Variants in CHRNA3 observed in about 807,000 individuals in gnomAD.
CHRNA3 encodes cholinergic receptor nicotinic alpha 3 subunit.
CHRNA3 carries 34 observed loss-of-function variants against 41.9 expected under a neutral mutation model. The ratio of observed to expected loss-of-function variants is 0.81; its 90% confidence interval spans 0.62 to 1.08. The LOEUF is 1.08. CHRNA3 is among the 50% of genes least tolerant of loss of function. The pLI is 0.00. For missense variants in CHRNA3, 542 were observed against 638.3 expected, an observed-to-expected ratio of 0.85 and a Z score of 1.63; for synonymous variants, 281 against 265.2, an observed-to-expected ratio of 1.06 and a Z score of -0.58.
chr15:78,602,497 G>A (rs1042813169), intron 4 of CHRNA3, among the ~76,000 whole-genome samples: 1 of 152,152 alleles, frequency 6.6e-6, no homozygotes, highest in South Asian at 2.1e-4. Flanking sequence ...CTGCCCCAGG[G>A]CAGGCCACCA....
chr15:78,620,742 A>C lies in CHRNA3; in HGVS notation c.53T>G (p.Leu18Arg), dbSNP rs1436985877. The C allele has an allele frequency of 6.7e-7, 1 of 1,499,918 alleles. No individual in the cohort carries two copies. The highest frequency in any genetic ancestry group is 8.8e-7 in the Non-Finnish European group (1 of 1,131,240). 92.9% of individuals were successfully genotyped at this position (1,499,918 alleles called of 1,614,324 possible). The change falls in exon 1 of 6, where the codon CTG (leucine) becomes CGG (arginine). Residue 18 changes from leucine to arginine, a missense_variant. Physicochemically the swap from Leu to Arg is moderately radical, Grantham distance 102. Transcript: ENST00000326828. Reference protein sequence around the residue: ...LPLALSPPRLLLLLLLSLLPV... With the variant: ...LPLALSPPRLRLLLLLSLLPV... ...CAGCAGAGACAGCAGCAGCAGCAGC[A>C]GCAGCCGCGGCGGCGACAGCGCCAG...
intron 4 of CHRNA3, among the ~76,000 whole-genome samples, chr15:78,615,409 C>T (rs2053445670): frequency 2.0e-5 from 3 of 152,322 alleles, no homozygotes; most frequent in Admixed American, 2.0e-4. Context: ...CCTGCATCCA[C>T]TGCCCACAGT....
At chr15:78,600,758 A>G (rs931468612) in intron 5 of CHRNA3, among the ~76,000 whole-genome samples, 4 of 151,504 alleles carry the variant, frequency 2.6e-5, no homozygotes, top group African/African-American at 9.8e-5. Context: ...AGTTCAAGCT[A>G]CTCGGGAAAC....
intron 4 of CHRNA3, among the ~76,000 whole-genome samples, chr15:78,605,182 A>G (rs2053264432): frequency 1.3e-5 from 2 of 152,188 alleles, no homozygotes; most frequent in Admixed American, 1.3e-4. Flanking sequence ...ATTTAAGAAC[A>G]GAAGTGGGGT....
downstream of CHRNA3, chr15:78,595,223 T>C (rs964625707): frequency 4.4e-6 from 4 of 905,700 alleles, no homozygotes; most frequent in African/African-American, 7.2e-5. Flanking sequence ...CCTCTTATAC[T>C]ACCATTACTG....
intron 4 of CHRNA3, among the ~76,000 whole-genome samples, chr15:78,604,274 C>G (rs2053249920): frequency 6.6e-6 from 1 of 152,214 alleles, no homozygotes; most frequent in Admixed American, 6.5e-5. Flanking sequence ...TTCTCTGGCC[C>G]TTTAGAGAAA....
At chr15:78,618,184 T>C (rs559967441) in intron 3 of CHRNA3, among the ~76,000 whole-genome samples, 1 of 151,968 alleles carries the variant, frequency 6.6e-6, no homozygotes, top group South Asian at 2.1e-4. Flanking sequence ...CTGGTGGAGA[T>C]TGCAGTGAGC....
chr15:78,618,992 C>T, intron 1 of CHRNA3, 77 bp from the exon 2 acceptor site: 1 of 1,496,960 alleles, frequency 6.7e-7, no homozygotes, highest in Non-Finnish European at 9.1e-7. Flanking sequence ...GAAACATCAC[C>T]CATCTACAGC....
chr15:78,615,734 CCTGT>C (rs112978286), intron 4 of CHRNA3, among the ~76,000 whole-genome samples: 5 of 138,602 alleles, frequency 3.6e-5, no homozygotes, highest in African/African-American at 1.3e-4. Flanking sequence ...AATTCAGGCA[CCTGT>C]ATTTTTTTTT....
intron 4 of CHRNA3, among the ~76,000 whole-genome samples, chr15:78,608,963 A>G (rs2053341023): frequency 2.0e-5 from 3 of 152,250 alleles, no homozygotes; most frequent in Non-Finnish European, 4.4e-5. Context: ...GATGCAATCA[A>G]CTGGAAGAAA....
chr15:78,618,687 G>T (rs1018763411), intron 2 of CHRNA3, 26 bp from the exon 3 acceptor site: 3 of 1,612,696 alleles, frequency 1.9e-6, no homozygotes, highest in African/African-American at 1.4e-5. Flanking sequence ...AAAGTTGACA[G>T]GAGAATTACA....
At chr15:78,605,479 G>A (rs1182699047) in intron 4 of CHRNA3, among the ~76,000 whole-genome samples, 2 of 151,798 alleles carry the variant, frequency 1.3e-5, no homozygotes, top group Non-Finnish European at 2.9e-5. Flanking sequence ...GCCAGACACA[G>A]GAATCTCCAA....
Position 78,601,591 on chromosome 15 carries a change from G to A in CHRNA3, c.1051C>T (p.Pro351Ser). The A allele has an allele frequency of 6.2e-7, 1 of 1,614,160 alleles. No individual in the cohort carries two copies. The highest frequency in any genetic ancestry group is 8.5e-7 in the Non-Finnish European group (1 of 1,180,042). The change falls in exon 5 of 6, where the codon CCC becomes TCC. Residue 351 changes from proline (P) to serine (S), a missense_variant. Pro to Ser is a moderately conservative substitution (Grantham distance 74). Coordinates refer to ENST00000326828, the MANE Select transcript of CHRNA3 (RefSeq NM_000743.5). Reference sequence around the variant, plus strand: ...GGCCTGGTCATGAACATGACCCTGGGGAGCAGGTTCAAGAATACAGTCTTC... The same window carrying A: ...GGCCTGGTCATGAACATGACCCTGGAGAGCAGGTTCAAGAATACAGTCTTC... Reference protein sequence around the residue: ...WVKTVFLNLLPRVMFMTRPTS... With the variant: ...WVKTVFLNLLSRVMFMTRPTS...
intron 5 of CHRNA3, among the ~76,000 whole-genome samples, chr15:78,599,523 C>T (rs2053163768): frequency 6.6e-6 from 1 of 151,372 alleles, no homozygotes; most frequent in Non-Finnish European, 1.5e-5. Flanking sequence ...TTTAGCCTGC[C>T]ACTCCCAGCC....
chr15:78,610,475 A>C (rs2053364906), intron 4 of CHRNA3, among the ~76,000 whole-genome samples: 1 of 152,202 alleles, frequency 6.6e-6, no homozygotes, highest in Non-Finnish European at 1.5e-5. Flanking sequence ...CTGAATGACT[A>C]CTGGGTACAT....
chr15:78,597,193 G>A (rs915695821), intron 5 of CHRNA3, among the ~76,000 whole-genome samples: 1 of 152,152 alleles, frequency 6.6e-6, no homozygotes, highest in Non-Finnish European at 1.5e-5. Flanking sequence ...TTGGGAGGCT[G>A]AGATCACCTG....
In CHRNA3 at chr15:78,597,335, G is replaced by T. The variant is rs971408962; in HGVS notation, c.1390-603C>A. Among the ~76,000 whole-genome samples, 9 of 152,314 alleles carry T rather than the reference G, an allele frequency of 5.9e-5. No homozygotes were observed. In the East Asian group the frequency reaches 9.6e-4, roughly 16 times the overall value. On this transcript the variant is annotated intron_variant, in intron 5 of 5. Transcript: ENST00000326828. ...ATCCCCAGCTACTTGGGAGGCTGAG[G>T]CATGAGAATTTCTTGAACCCGGGAG...
chr15:78,613,185 A>G (rs1023869627), intron 4 of CHRNA3, among the ~76,000 whole-genome samples: 3 of 152,234 alleles, frequency 2.0e-5, no homozygotes, highest in African/African-American at 7.2e-5. Flanking sequence ...ATCTAGAACT[A>G]GAAATACCAT....
intron 4 of CHRNA3, among the ~76,000 whole-genome samples, chr15:78,611,923 A>G (rs892824332): frequency 2.0e-5 from 3 of 152,178 alleles, no homozygotes; most frequent in African/African-American, 7.2e-5. Context: ...TTACACGCCA[A>G]TAACAGACAA....
Sources: gnomAD v4.1 joint callset for allele counts (sites outside exome capture counted in the v4.1 genomes callset) on GRCh38, gnomAD v4.1.1 for gene constraint, MANE v1.5 for transcripts, NCBI Gene and HGNC (gene_info 2026-07-23, HGNC 2026-07-21) for gene names.